Variants in DENND2B observed in about 807,000 individuals in gnomAD.
DENND2B encodes DENN domain-containing protein 2B.
Under a neutral mutation model 116.0 loss-of-function variants are expected in DENND2B, and 32 were observed. That is an observed-to-expected ratio of 0.28 (90% confidence interval 0.21 to 0.37). DENND2B has a LOEUF of 0.37. Ranked by LOEUF, DENND2B falls within the 10% of genes least tolerant of loss-of-function variation. The probability of loss-of-function intolerance (pLI) is 1.00; values close to 1 mark genes in which losing one functional copy is unlikely to be tolerated. For synonymous variants in DENND2B, 588 were observed against 583.9 expected, an observed-to-expected ratio of 1.01 and a Z score of -0.10; for missense variants, 1,276 against 1,477.7, an observed-to-expected ratio of 0.86 and a Z score of 2.24.
At chr11:8,756,331 G>C (rs75556292) in intron 1 of DENND2B, among the ~76,000 whole-genome samples, 5,119 of 152,308 alleles carry the variant, frequency 0.034, 202 homozygotes, top group African/African-American at 0.099. Flanking sequence ...CTAAGAAAGA[G>C]AAATGTAGTT....
rs192501376 is a variant in DENND2B, at chr11:8,892,299, A to C, written c.-255-11190T>G. On this transcript the variant is annotated intron_variant, in intron 1 of 22. Coordinates refer to the DENND2B transcript ENST00000534127. Reference sequence around the variant, plus strand: ...CCACAAGAGAAAGCAGGAAAGATCTAAAATTGATCTAAAACCCTAACATCA... The same window carrying C: ...CCACAAGAGAAAGCAGGAAAGATCTCAAATTGATCTAAAACCCTAACATCA... Among the ~76,000 whole-genome samples, 352 of 152,348 alleles carry C rather than the reference A, an allele frequency of 2.3e-3. 1 individual carries two copies. The highest frequency in any genetic ancestry group is 8.3e-3 in the African/African-American group (344 of 41,582).
chr11:8,829,832 G>C (rs539015870), intron 4 of DENND2B, among the ~76,000 whole-genome samples: 1 of 152,210 alleles, frequency 6.6e-6, no homozygotes, highest in East Asian at 1.9e-4. Context: ...CAGACTAGAT[G>C]AACTCTAAGA....
upstream of DENND2B, among the ~76,000 whole-genome samples, chr11:8,871,848 C>T (rs1184644842): frequency 3.9e-5 from 6 of 152,158 alleles, no homozygotes; most frequent in Admixed American, 3.3e-4. Flanking sequence ...AAATCATTAG[C>T]CCAGTATAAC....
chr11:8,809,491 G>A (rs1213044894), intron 1 of DENND2B: 1 of 152,130 alleles, frequency 6.6e-6, no homozygotes, highest in Non-Finnish European at 1.5e-5. Flanking sequence ...AACCCCTGAT[G>A]GGTCTCCGTT....
chr11:8,900,216 G>A (rs994793096), intron 1 of DENND2B, among the ~76,000 whole-genome samples: 1 of 151,546 alleles, frequency 6.6e-6, no homozygotes, highest in Non-Finnish European at 1.5e-5. Context: ...ACAAGGTCAG[G>A]AGTTCGAGAC....
At chr11:8,892,787 A>G (rs1414586578) in intron 1 of DENND2B, among the ~76,000 whole-genome samples, 2 of 152,038 alleles carry the variant, frequency 1.3e-5, no homozygotes, top group East Asian at 1.9e-4. Flanking sequence ...TCCAGGACCA[A>G]ATGGATTCAC....
intron 1 of DENND2B, among the ~76,000 whole-genome samples, chr11:8,895,336 T>C (rs975884995): frequency 2.0e-5 from 3 of 152,144 alleles, no homozygotes; most frequent in Non-Finnish European, 4.4e-5. Context: ...ACATGGCACA[T>C]GTATACATAT....
intron 16 of DENND2B, among the ~76,000 whole-genome samples, chr11:8,698,137 C>CAAAAAAAAAAAAAAAA: frequency 2.5e-5 from 1 of 39,808 alleles, no homozygotes; most frequent in Non-Finnish European, 4.9e-5. Context: ...ACCCTGTCTC[C>CAAAAAAAAAAAAAAAA]AAAAAAAAAA....
intron 3 of DENND2B, among the ~76,000 whole-genome samples, chr11:8,854,382 A>G (rs1439981862): frequency 6.6e-6 from 1 of 150,878 alleles, no homozygotes; most frequent in Non-Finnish European, 1.5e-5. Flanking sequence ...TTGTATTTTC[A>G]CTAGAGACAG....
chr11:8,850,092 G>A (rs1307945147), intron 3 of DENND2B, among the ~76,000 whole-genome samples: 1 of 152,122 alleles, frequency 6.6e-6, no homozygotes, highest in Non-Finnish European at 1.5e-5. Context: ...CTGTGATCGT[G>A]CCACCTCACT....
chr11:8,697,934 C>T lies in DENND2B; in HGVS notation c.2941-298G>A, dbSNP rs1369336426. ...CTTGAGCCCAGGAGGGAGTTCGAGACCAGCCTGGGCAACTTAGCAGGTCCC... is the reference window on the plus strand; with the variant it reads ...CTTGAGCCCAGGAGGGAGTTCGAGATCAGCCTGGGCAACTTAGCAGGTCCC... On this transcript the variant is annotated intron_variant, in intron 16 of 19. Transcript: ENST00000313726. The T allele has an allele frequency of 1.8e-5, 9 of 492,282 alleles. 1 individual carries two copies. Among genetic ancestry groups the T allele is most frequent in the South Asian group, 1.4e-4 (9 of 62,320 alleles). 30.5% of individuals were successfully genotyped at this position (492,282 alleles called of 1,614,324 possible).
At chr11:8,808,055 T>C (rs80121449) in intron 1 of DENND2B, 1,634 of 152,566 alleles carry the variant, frequency 0.011, 71 homozygotes, top group Admixed American at 0.073. Flanking sequence ...CACAGTCCCA[T>C]GGCATATCAA....
intron 7 of DENND2B, 24 bp from the exon 8 acceptor site, chr11:8,714,066 A>C: frequency 6.2e-7 from 1 of 1,612,566 alleles, no homozygotes; most frequent in Non-Finnish European, 8.5e-7. Context: ...AGCAGAGTAC[A>C]TACTTGCTGG....
At chr11:8,869,637 CAG>C (rs1208802999) in intron 2 of DENND2B, among the ~76,000 whole-genome samples, 3 of 149,354 alleles carry the variant, frequency 2.0e-5, no homozygotes, top group African/African-American at 5.0e-5. Flanking sequence ...ACTCCAGGGA[CAG>C]AGAGAGACTC....
At chr11:8,706,412 C>G (rs72858217) in intron 13 of DENND2B, among the ~76,000 whole-genome samples, 1 of 147,210 alleles carries the variant, frequency 6.8e-6, no homozygotes, top group African/African-American at 2.5e-5. Flanking sequence ...AACCCTCTGA[C>G]CAGCATTTGC....
upstream of DENND2B, among the ~76,000 whole-genome samples, chr11:8,871,909 T>C (rs1373401873): frequency 6.6e-6 from 1 of 152,240 alleles, no homozygotes; most frequent in African/African-American, 2.4e-5. Flanking sequence ...AAACCCATAC[T>C]TAGTGAGATG....
chr11:8,879,344 G>A (rs1006461298), intron 2 of DENND2B, among the ~76,000 whole-genome samples: 1 of 152,228 alleles, frequency 6.6e-6, no homozygotes, highest in Admixed American at 6.5e-5. Flanking sequence ...TGCTGGCCAT[G>A]CTGGATATGT....
In DENND2B at chr11:8,712,819, G is replaced by A; in HGVS notation, c.1988-84C>T. On this transcript the variant is annotated intron_variant, in intron 8 of 19. Coordinates refer to ENST00000313726, the MANE Select transcript of DENND2B (RefSeq NM_213618.2). This position sits in a 1 kb window ranked among gnomAD's most constrained non-coding sequence, Gnocchi z 4.4. ...ACCCCTGGCTCAGGGCTCCATTGCT[G>A]TGGAGCACTTTTAAGTACGTGAGCC... 1 of 1,398,530 alleles carries A rather than the reference G, an allele frequency of 7.2e-7. No individual in the cohort carries two copies. The highest frequency in any genetic ancestry group is 9.6e-7 in the Non-Finnish European group (1 of 1,042,042). 86.6% of individuals were successfully genotyped at this position (1,398,530 alleles called of 1,614,324 possible). A position where few individuals can be genotyped will look rare whatever the true frequency, so the allele number is the denominator to read the frequency against.
intron 1 of DENND2B, among the ~76,000 whole-genome samples, chr11:8,897,161 G>A (rs553112342): frequency 1.3e-5 from 2 of 152,266 alleles, no homozygotes; most frequent in Non-Finnish European, 2.9e-5. Flanking sequence ...GGAGGCTGAG[G>A]CAGGAGAATC....
Sources: gnomAD v4.1 joint callset for allele counts (sites outside exome capture counted in the v4.1 genomes callset) on GRCh38, gnomAD v4.1.1 for gene constraint, Gnocchi (gnomAD v3.1) non-coding constraint, MANE v1.5 for transcripts, NCBI Gene and HGNC (gene_info 2026-07-23, HGNC 2026-07-21) for gene names.